Variants in SH3RF1 observed in about 807,000 individuals in gnomAD.
SH3RF1 encodes SH3 domain containing ring finger 1.
In SH3RF1, 32 loss-of-function variants were observed where a neutral mutation model predicts 74.0. The ratio of observed to expected loss-of-function variants is 0.43; its 90% CI spans 0.33 to 0.58. The LOEUF (loss-of-function observed/expected upper bound fraction) is 0.58, where lower values mean the gene tolerates loss of function less well. SH3RF1 is among the 20% of genes least tolerant of loss of function. SH3RF1 has a pLI of 0.05. For missense variants in SH3RF1, 954 were observed against 1,130.9 expected (o/e 0.84, Z 2.24); for synonymous variants, 396 against 439.6 (o/e 0.90, Z 1.24).
intron 2 of SH3RF1, among the ~76,000 whole-genome samples, chr4:169,223,396 T>C (rs1256489781): frequency 2.0e-5 from 3 of 152,120 alleles, no homozygotes; most frequent in Admixed American, 2.0e-4. Context: ...GTGGCTAAAA[T>C]GGCCCTAAAA....
intron 2 of SH3RF1, among the ~76,000 whole-genome samples, chr4:169,188,684 T>C: frequency 6.6e-6 from 1 of 152,196 alleles, no homozygotes; most frequent in Non-Finnish European, 1.5e-5. Context: ...CTTTAAAGCT[T>C]TCTGGCTTAT....
intron 2 of SH3RF1, among the ~76,000 whole-genome samples, chr4:169,255,404 A>T (rs1307551401): frequency 2.0e-5 from 3 of 152,124 alleles, no homozygotes; most frequent in Non-Finnish European, 4.4e-5. Flanking sequence ...TTTTTTTAAA[A>T]GGGAAATCAG....
intron 2 of SH3RF1, among the ~76,000 whole-genome samples, chr4:169,191,329 C>T (rs191014596): frequency 6.9e-6 from 1 of 143,924 alleles, no homozygotes; most frequent in South Asian, 2.2e-4. Context: ...TAGGAATATA[C>T]CTAACCAAGG....
chr4:169,114,949 C>T (rs1372754352), intron 10 of SH3RF1, among the ~76,000 whole-genome samples: 1 of 152,070 alleles, frequency 6.6e-6, no homozygotes, highest in East Asian at 1.9e-4. Flanking sequence ...TATAGAACTT[C>T]AGGGGAAATG....
chr4:169,250,065 C>T (rs995745947), intron 2 of SH3RF1, among the ~76,000 whole-genome samples: 2 of 152,198 alleles, frequency 1.3e-5, no homozygotes, highest in South Asian at 4.1e-4. Context: ...TCCACCCACT[C>T]CTTAAACAGT....
chr4:169,215,759 CAAGT>C (rs1730452110), intron 2 of SH3RF1, among the ~76,000 whole-genome samples: 1 of 151,782 alleles, frequency 6.6e-6, no homozygotes, highest in African/African-American at 2.4e-5. Flanking sequence ...TTCTAATAGT[CAAGT>C]AATGTATTTT....
At chr4:169,124,121 G>T (rs1733486786) in intron 6 of SH3RF1, among the ~76,000 whole-genome samples, 2 of 152,128 alleles carry the variant, frequency 1.3e-5, no homozygotes, top group Admixed American at 1.3e-4. Flanking sequence ...TGTATATAGA[G>T]TAATATATGG....
At chr4:169,213,178 C>A (rs1448685135) in intron 2 of SH3RF1, among the ~76,000 whole-genome samples, 1 of 152,160 alleles carries the variant, frequency 6.6e-6, no homozygotes, top group African/African-American at 2.4e-5. Context: ...CCTGTTGATC[C>A]ACATTCTCAC....
At chr4:169,237,486 T>G (rs1363775617) in intron 2 of SH3RF1, among the ~76,000 whole-genome samples, 1 of 152,166 alleles carries the variant, frequency 6.6e-6, no homozygotes, top group Non-Finnish European at 1.5e-5. Flanking sequence ...ATTTTTAATT[T>G]TTTAAAAAAG....
intron 4 of SH3RF1, among the ~76,000 whole-genome samples, chr4:169,140,732 T>C (rs1207244513): frequency 6.6e-6 from 1 of 152,114 alleles, no homozygotes; most frequent in Non-Finnish European, 1.5e-5. Flanking sequence ...TACAATATTT[T>C]AAAGAGAAAA....
intron 2 of SH3RF1, among the ~76,000 whole-genome samples, chr4:169,175,210 G>A (rs1734399199): frequency 6.6e-6 from 1 of 152,096 alleles, no homozygotes; most frequent in African/African-American, 2.4e-5. Context: ...AATTTCTACT[G>A]CTACCAGCCC....
intron 2 of SH3RF1, among the ~76,000 whole-genome samples, chr4:169,226,991 AC>A (rs1430456568): frequency 6.6e-6 from 1 of 152,098 alleles, no homozygotes; most frequent in Non-Finnish European, 1.5e-5. Flanking sequence ...ACATAACAAG[AC>A]CCCATCTCTA....
chr4:169,120,108 C>T (rs899197516), intron 8 of SH3RF1, among the ~76,000 whole-genome samples: 3 of 152,180 alleles, frequency 2.0e-5, no homozygotes, highest in Non-Finnish European at 4.4e-5. Flanking sequence ...TAGCCTCTAT[C>T]CACTAAAGCC....
At chr4:169,140,484 G>C (rs1361796638) in intron 4 of SH3RF1, among the ~76,000 whole-genome samples, 1 of 152,056 alleles carries the variant, frequency 6.6e-6, no homozygotes, top group Admixed American at 6.6e-5. Flanking sequence ...ATAAAAGCAG[G>C]GATTCTATTC....
intron 2 of SH3RF1, among the ~76,000 whole-genome samples, chr4:169,191,678 C>G (rs1734713365): frequency 6.6e-6 from 1 of 152,120 alleles, no homozygotes; most frequent in Non-Finnish European, 1.5e-5. Flanking sequence ...TAGCATGGTA[C>G]TGGTATAAAA....
chr4:169,267,821 CTTACTGAAGACAT>C (rs1014094880), intron 2 of SH3RF1, among the ~76,000 whole-genome samples: 2 of 152,064 alleles, frequency 1.3e-5, no homozygotes, highest in African/African-American at 4.8e-5. Context: ...CTTTTGAGTG[CTTACTGAAGACAT>C]TTGAAAAAAA....
intron 5 of SH3RF1, among the ~76,000 whole-genome samples, chr4:169,135,358 GA>G (rs959308143): frequency 1.3e-5 from 2 of 149,948 alleles, no homozygotes; most frequent in African/African-American, 4.9e-5. Context: ...AATGTTTAAA[GA>G]AAAAAAAACC....
At chr4:169,243,299 G>A (rs1431401889) in intron 2 of SH3RF1, among the ~76,000 whole-genome samples, 1 of 152,198 alleles carries the variant, frequency 6.6e-6, no homozygotes, top group African/African-American at 2.4e-5. Flanking sequence ...GACCACCTGA[G>A]GTCAGGAGTT....
intron 2 of SH3RF1, among the ~76,000 whole-genome samples, chr4:169,157,797 A>C (rs1211012125): frequency 6.7e-6 from 1 of 150,358 alleles, no homozygotes; most frequent in South Asian, 2.1e-4. Context: ...GCTGGAGTGC[A>C]GTGGTGCAAT....
Sources: gnomAD v4.1 joint callset for allele counts (sites outside exome capture counted in the v4.1 genomes callset) on GRCh38, gnomAD v4.1.1 for gene constraint, MANE v1.5 for transcripts, NCBI Gene and HGNC (gene_info 2026-07-23, HGNC 2026-07-21) for gene names.